The following BPTF variants were observed in gnomAD, a reference collection of about 807,000 sequenced individuals.
BPTF encodes bromodomain PHD finger transcription factor, also known as nucleosome-remodeling factor subunit BPTF.
In BPTF, 18 loss-of-function variants were observed where a neutral mutation model predicts 292.5. The observed-to-expected ratio is 0.06, with a 90% CI of 0.04 to 0.09. The LOEUF (loss-of-function observed/expected upper bound fraction) is 0.09, where lower values mean the gene tolerates loss of function less well. BPTF is among the 10% of genes least tolerant of loss of function. The pLI, the probability that BPTF is intolerant of heterozygous loss-of-function variation, is 1.00. For synonymous variants in BPTF, 1,225 were observed against 1,251.9 expected, an observed-to-expected ratio of 0.98 and a Z score of 0.45; for missense variants, 2,726 against 3,498.7, an observed-to-expected ratio of 0.78 and a Z score of 5.57.
Position 67,918,848 on chromosome 17 carries a change from A to G in BPTF, c.5428+10A>G, listed in dbSNP as rs544681619. ...GGGACTACACGGACAGGTAAGGGGG[A>G]AGGGAGTTATTTTCTAATTTAAGTT... On this transcript the variant is annotated intron_variant, in intron 12 of 27. Transcript: ENST00000306378. 3.7e-6 allele frequency: 6 copies of G among 1,611,078 alleles called. No homozygotes were observed. Among genetic ancestry groups the G allele is most frequent in the African/African-American group, 1.3e-5 (1 of 74,852 alleles).
Position 67,911,390 on chromosome 17 carries a change from A to T in BPTF, c.3506A>T (p.Asp1169Val). The change falls in exon 11 of 28, where the codon GAT becomes GTT. Residue 1169 changes from aspartate to valine, a missense_variant. Asp to Val is a radical substitution (Grantham distance 152). Around this residue, in one of 22 missense-constraint regions of BPTF, gnomAD observed 713 missense variants for 714.9 expected, o/e 1.00. Coordinates refer to ENST00000306378, the MANE Select transcript of BPTF (RefSeq NM_182641.4). ...KLYPKDRVLD[D>V]VSIRSPETKC... ...TATCCAAAAGATCGAGTGTTAGATG[A>T]TGTCTCCATTCGGAGCCCAGAAACA... The T allele has an allele frequency of 6.2e-7, 1 of 1,614,140 alleles. No homozygotes were observed.
chr17:67,909,780 G>A lies in BPTF; in HGVS notation c.2992+19G>A, dbSNP rs764562591. On this transcript the variant is annotated intron_variant, in intron 10 of 27. Transcript: ENST00000306378. ...GACCAAGGTAAGGAGAGTCAGCTGT[G>A]GAGGGCAGCCTGGGGGTGATAAGAA... The A allele has an allele frequency of 1.3e-6, 2 of 1,520,038 alleles. No individual in the cohort carries two copies. Among genetic ancestry groups the A allele is most frequent in the Non-Finnish European group, 8.8e-7 (1 of 1,136,026 alleles). 94.2% of individuals were successfully genotyped at this position (1,520,038 alleles called of 1,614,324 possible).
chr17:67,839,470 T>C (rs534418124), intron 1 of BPTF, among the ~76,000 whole-genome samples: 48 of 152,360 alleles, frequency 3.2e-4, no homozygotes, highest in African/African-American at 1.1e-3. Flanking sequence ...TATTAGATCT[T>C]ATAATATTGA....
intron 4 of BPTF, among the ~76,000 whole-genome samples, chr17:67,884,841 C>T (rs950947336): frequency 2.0e-5 from 3 of 151,950 alleles, no homozygotes; most frequent in Non-Finnish European, 2.9e-5. Context: ...TTTCTAGACA[C>T]AGGATTGCTG....
At chr17:67,848,167 A>T (rs1258404799) in intron 1 of BPTF, among the ~76,000 whole-genome samples, 2 of 130,588 alleles carry the variant, frequency 1.5e-5, no homozygotes, top group African/African-American at 7.2e-5. Context: ...AAACACTGTA[A>T]ATTCTTTTTT....
At position 67,982,174 on chromosome 17, in the gene BPTF, C is replaced by A. The variant is rs782648357; in HGVS notation, c.8727-78C>A. ...TGGCTGCTTCTCCCAGACTGACTGA[C>A]CTTGGCATCCGCATAAAGCATCATT... On this transcript the variant is annotated intron_variant, in intron 27 of 27. Transcript: ENST00000306378. 4.5e-5 allele frequency: 59 copies of A among 1,308,854 alleles called. No homozygotes were observed. The Middle Eastern group carries it at 2.0e-3, about 45-fold the overall frequency. The allele number at this position is 1,308,854 out of a possible 1,614,324, so 81.1% of individuals were successfully genotyped here.
At chr17:67,944,461 T>A in intron 20 of BPTF, 89 bp downstream of exon 20, 1 of 1,425,306 alleles carries the variant, frequency 7.0e-7, no homozygotes, top group Non-Finnish European at 9.6e-7. Context: ...AGTATTTACC[T>A]TTGGAAGGAT....
chr17:67,937,983 G>A (rs1470399647), intron 18 of BPTF, among the ~76,000 whole-genome samples: 11 of 152,058 alleles, frequency 7.2e-5, no homozygotes, highest in African/African-American at 2.7e-4. Context: ...GCATGGTGGC[G>A]CAGCCTGTAA....
Position 67,854,184 on chromosome 17 carries a change from G to T in BPTF, c.858G>T (p.Met286Ile), listed in dbSNP as rs753641102. Residue 286 changes from methionine (M) to isoleucine (I), a missense_variant, in exon 2 of 28, where the codon ATG becomes ATT. Around this residue, in one of 22 missense-constraint regions of BPTF, gnomAD observed 102 missense variants for 212.6 expected, o/e 0.48. Coordinates refer to ENST00000306378, the MANE Select transcript of BPTF (RefSeq NM_182641.4). The surrounding 1 kb of genome is among the most constrained non-coding windows in gnomAD (Gnocchi z 5.6). The stretch of plus-strand genomic sequence containing the variant: ...AGCAGTGCACACTCATGGCAGAGAT[G>T]CATGTTGTGCTTTTGAAAGCAGTTC... ...SQEQCTLMAE[M>I]HVVLLKAVLR... 1 of 1,614,206 alleles carries T rather than the reference G, an allele frequency of 6.2e-7. No individual in the cohort carries two copies.
chr17:67,902,428 A>T (rs1395021269), intron 7 of BPTF, among the ~76,000 whole-genome samples: 3 of 152,192 alleles, frequency 2.0e-5, no homozygotes, highest in Non-Finnish European at 4.4e-5. Flanking sequence ...CTGTCAGGTT[A>T]TCCACCGTAT....
intron 7 of BPTF, among the ~76,000 whole-genome samples, chr17:67,895,488 G>A (rs1316674975): frequency 6.9e-6 from 1 of 144,008 alleles, no homozygotes; most frequent in African/African-American, 2.6e-5. Flanking sequence ...TTTTGACACA[G>A]GATCTCACTG....
intron 21 of BPTF, 152 bp downstream of exon 21, chr17:67,946,477 C>T: frequency 6.0e-6 from 7 of 1,170,498 alleles, no homozygotes; most frequent in Non-Finnish European, 7.0e-6. Context: ...AAAAAAAATA[C>T]TGAATGACTA....
At chr17:67,926,528 G>C (rs2063917990) in intron 15 of BPTF, among the ~76,000 whole-genome samples, 2 of 151,436 alleles carry the variant, frequency 1.3e-5, no homozygotes, top group South Asian at 4.2e-4. Context: ...GTTTCACTGT[G>C]TTAGCCAGGA....
At chr17:67,882,171 C>T (rs577670353) in intron 4 of BPTF, among the ~76,000 whole-genome samples, 8 of 152,006 alleles carry the variant, frequency 5.3e-5, no homozygotes, top group Non-Finnish European at 1.2e-4. Flanking sequence ...ATGTTTGAGG[C>T]TTATGTTACA....
rs191184250 is a variant in BPTF, at chr17:67,870,281, T to C, written c.1660+3594T>C. Among the ~76,000 whole-genome samples, 767 of 149,970 alleles carry C rather than the reference T, an allele frequency of 5.1e-3. 4 individuals carry two copies. Among genetic ancestry groups the C allele is most frequent in the South Asian group, 0.023 (109 of 4,752 alleles). On this transcript the variant is annotated intron_variant, in intron 3 of 27. Transcript: ENST00000306378. Reference sequence around the variant, plus strand: ...CTTTCCTTTTTTTTTTTTTTTCGGCTAAGGTACAACATCAACCTGGTACTG... The same window carrying C: ...CTTTCCTTTTTTTTTTTTTTTCGGCCAAGGTACAACATCAACCTGGTACTG...
intron 17 of BPTF, among the ~76,000 whole-genome samples, chr17:67,930,636 T>C (rs1181078346): frequency 6.6e-6 from 1 of 152,196 alleles, no homozygotes; most frequent in African/African-American, 2.4e-5. Flanking sequence ...AAATACTTTC[T>C]AGTTTCCCTT....
intron 4 of BPTF, among the ~76,000 whole-genome samples, chr17:67,882,628 G>A (rs927044274): frequency 6.6e-6 from 1 of 152,166 alleles, no homozygotes; most frequent in Non-Finnish European, 1.5e-5. Flanking sequence ...TGGCATTTAC[G>A]ACTTTTTGCT....
At chr17:67,861,598 G>A (rs2365764) in intron 2 of BPTF, among the ~76,000 whole-genome samples, 31,015 of 152,058 alleles carry the variant, frequency 0.2, 3,976 homozygotes, top group East Asian at 0.66. Flanking sequence ...TTACAGATGT[G>A]AGCCACCATG....
intron 1 of BPTF, among the ~76,000 whole-genome samples, chr17:67,840,843 A>G (rs550841454): frequency 1.1e-4 from 16 of 152,182 alleles, no homozygotes; most frequent in African/African-American, 3.9e-4. Flanking sequence ...AATTACAGGC[A>G]TGAGCCACCA....
Sources: gnomAD v4.1 joint callset for allele counts (sites outside exome capture counted in the v4.1 genomes callset) on GRCh38, gnomAD v4.1.1 for gene constraint, gnomAD v4.1.1 regional missense constraint, Gnocchi (gnomAD v3.1) non-coding constraint, MANE v1.5 for transcripts, NCBI Gene and HGNC (gene_info 2026-07-23, HGNC 2026-07-21) for gene names.